VPS13A: variants seen among roughly 807,000 people sequenced by gnomAD.
The protein encoded by VPS13A is intermembrane lipid transfer protein VPS13A.
VPS13A carries 264 observed loss-of-function variants against 390.9 expected under a neutral mutation model. The ratio of observed to expected loss-of-function variants is 0.68; its 90% CI spans 0.61 to 0.75. The LOEUF is 0.75. Ranked by LOEUF, VPS13A falls within the 30% of genes least tolerant of loss-of-function variation. VPS13A has a pLI of 0.00. For missense variants in VPS13A, 3,409 were observed against 3,733.9 expected, an observed-to-expected ratio of 0.91 and a Z score of 2.27; for synonymous variants, 1,231 against 1,227.1, an observed-to-expected ratio of 1.00 and a Z score of -0.07.
intron 39 of VPS13A, among the ~76,000 whole-genome samples, chr9:77,317,188 A>C (rs1242084941): frequency 6.6e-6 from 1 of 152,042 alleles, no homozygotes; most frequent in Non-Finnish European, 1.5e-5. Context: ...CCAAATTTGC[A>C]AGACAGTTGG....
chr9:77,378,774 GA>G (rs1833257788), intron 67 of VPS13A, among the ~76,000 whole-genome samples: 1 of 151,574 alleles, frequency 6.6e-6, no homozygotes, highest in African/African-American at 2.4e-5. Context: ...CTCAACTTGT[GA>G]AGTTATATTA....
At chr9:77,350,142 C>G (rs1310573462) in intron 52 of VPS13A, among the ~76,000 whole-genome samples, 1 of 152,096 alleles carries the variant, frequency 6.6e-6, no homozygotes, top group African/African-American at 2.4e-5. Context: ...AAGATTGAAA[C>G]AGTATCTGCT....
chr9:77,400,632 G>C (rs1425284912), intron 68 of VPS13A, among the ~76,000 whole-genome samples: 1 of 151,624 alleles, frequency 6.6e-6, no homozygotes, highest in East Asian at 1.9e-4. Flanking sequence ...TCAAGATCCT[G>C]GCTAACATGG....
At chr9:77,332,674 A>G (rs1175702809) in intron 46 of VPS13A, among the ~76,000 whole-genome samples, 1 of 152,170 alleles carries the variant, frequency 6.6e-6, no homozygotes, top group Non-Finnish European at 1.5e-5. Flanking sequence ...TATAGATTTT[A>G]TATCATAACA....
chr9:77,330,883 C>T (rs186268974), intron 45 of VPS13A, among the ~76,000 whole-genome samples: 6 of 152,034 alleles, frequency 3.9e-5, no homozygotes, highest in South Asian at 2.1e-4. Flanking sequence ...TTTGGTGATA[C>T]GTTGTGTATA....
chr9:77,205,625 A>G (rs1825596033), intron 4 of VPS13A, among the ~76,000 whole-genome samples: 1 of 151,826 alleles, frequency 6.6e-6, no homozygotes, highest in Non-Finnish European at 1.5e-5. Flanking sequence ...GGAGTCTCGC[A>G]CTGTCACCTG....
intron 34 of VPS13A, among the ~76,000 whole-genome samples, chr9:77,304,150 T>A (rs1488113430): frequency 6.6e-6 from 1 of 152,148 alleles, no homozygotes; most frequent in Non-Finnish European, 1.5e-5. Context: ...GCCCCAGGTT[T>A]ATTGAGACTA....
chr9:77,387,374 TGCCACACC>T (rs1338687197), intron 68 of VPS13A, among the ~76,000 whole-genome samples: 1 of 152,212 alleles, frequency 6.6e-6, no homozygotes, highest in Non-Finnish European at 1.5e-5. Flanking sequence ...AATTATGTAA[TGCCACACC>T]TTTCCATATG....
chr9:77,412,363 G>A (rs189186354), intron 71 of VPS13A, among the ~76,000 whole-genome samples: 1,876 of 152,226 alleles, frequency 0.012, 38 homozygotes, highest in African/African-American at 0.042. Context: ...CTGGCAAACC[G>A]AATCCAGCAG....
chr9:77,326,546 T>C (rs1830028103), intron 45 of VPS13A, among the ~76,000 whole-genome samples: 1 of 152,130 alleles, frequency 6.6e-6, no homozygotes, highest in African/African-American at 2.4e-5. Flanking sequence ...ATCTGATATA[T>C]TTTTCTCAAT....
chr9:77,407,860 C>G, intron 71 of VPS13A, among the ~76,000 whole-genome samples: 1 of 152,128 alleles, frequency 6.6e-6, no homozygotes, highest in Non-Finnish European at 1.5e-5. Flanking sequence ...AATGCTAACT[C>G]TAATTAATTT....
chr9:77,212,422 A>G (rs1234814568), intron 7 of VPS13A, among the ~76,000 whole-genome samples: 1 of 152,062 alleles, frequency 6.6e-6, no homozygotes, highest in Non-Finnish European at 1.5e-5. Flanking sequence ...CATGTTATAT[A>G]TTAGGTTATA....
At chr9:77,305,629 C>T in intron 34 of VPS13A, 1 of 191,070 alleles carries the variant, frequency 5.2e-6, no homozygotes, top group Non-Finnish European at 1.1e-5. Flanking sequence ...TTGAGGCCAA[C>T]CCTCTAGGGT....
intron 1 of VPS13A, among the ~76,000 whole-genome samples, chr9:77,196,650 G>A (rs1825019941): frequency 6.6e-6 from 1 of 151,742 alleles, no homozygotes; most frequent in African/African-American, 2.4e-5. Flanking sequence ...TTGCTGCAAA[G>A]GACAAGATTA....
At chr9:77,337,786 A>T (rs564855545) in intron 47 of VPS13A, 1 of 397,518 alleles carries the variant, frequency 2.5e-6, no homozygotes, top group African/African-American at 2.0e-5. Context: ...TTTTCTTAAA[A>T]GATTGTATAC....
chr9:77,258,969 A>G (rs985971427), intron 22 of VPS13A, among the ~76,000 whole-genome samples: 10 of 152,164 alleles, frequency 6.6e-5, no homozygotes, highest in Non-Finnish European at 1.5e-4. Flanking sequence ...ATGCTTAGGA[A>G]GAATTTATGT....
Position 77,344,193 on chromosome 9 carries a change from T to G in VPS13A, c.7067T>G (p.Leu2356Arg). ...FWPEYASSKL[L>R]IQVERSEDPP... The stretch of plus-strand genomic sequence containing the variant: ...CCTGAGTATGCTTCTAGTAAACTTC[T>G]TATTCAAGTCGAAAGGAGTGAAGAT... The change falls in exon 51 of 72, where the codon CTT becomes CGT. Residue 2356 changes from leucine (L) to arginine (R), a missense_variant. Around this residue, in one of 5 missense-constraint regions of VPS13A, gnomAD observed 2,717 missense variants for 2,917.4 expected, o/e 0.93. Transcript: ENST00000360280. 3 of 1,611,992 alleles carry G rather than the reference T, an allele frequency of 1.9e-6. No individual in the cohort carries two copies. The highest frequency in any genetic ancestry group is 2.5e-6 in the Non-Finnish European group (3 of 1,178,242).
At chr9:77,270,679 A>T (rs1564682191) in intron 23 of VPS13A, among the ~76,000 whole-genome samples, 1 of 151,930 alleles carries the variant, frequency 6.6e-6, no homozygotes, top group Non-Finnish European at 1.5e-5. Context: ...TGACAGAAGG[A>T]GAATCTGTCT....
chr9:77,387,369 T>C (rs1015085525), intron 68 of VPS13A, among the ~76,000 whole-genome samples: 6 of 152,226 alleles, frequency 3.9e-5, no homozygotes, highest in Non-Finnish European at 8.8e-5. Flanking sequence ...TTGAAAATTA[T>C]GTAATGCCAC....
Sources: gnomAD v4.1 joint callset for allele counts (sites outside exome capture counted in the v4.1 genomes callset) on GRCh38, gnomAD v4.1.1 for gene constraint, gnomAD v4.1.1 regional missense constraint, MANE v1.5 for transcripts, NCBI Gene and HGNC (gene_info 2026-07-23, HGNC 2026-07-21) for gene names.